TOGARAM1: variants seen among roughly 807,000 people sequenced by gnomAD.
TOGARAM1 encodes the protein TOG array regulator of axonemal microtubules protein 1.
In TOGARAM1, 100 loss-of-function variants were observed where a neutral mutation model predicts 166.6. The ratio of observed to expected loss-of-function variants is 0.60; its 90% CI spans 0.51 to 0.71. The LOEUF is 0.71. TOGARAM1 is among the 30% of genes least tolerant of loss of function. TOGARAM1 has a pLI of 0.00. For synonymous variants in TOGARAM1, 758 were observed against 763.8 expected, an observed-to-expected ratio of 0.99 and a Z score of 0.13; for missense variants, 2,029 against 2,102.7, an observed-to-expected ratio of 0.96 and a Z score of 0.69.
chr14:45,022,470 A>T (rs1053408646), intron 7 of TOGARAM1, among the ~76,000 whole-genome samples: 1 of 151,190 alleles, frequency 6.6e-6, no homozygotes, highest in Non-Finnish European at 1.5e-5. Context: ...TATCTGCTTG[A>T]TAGTTTTGAA....
At chr14:44,992,511 T>G (rs1288272493) in intron 1 of TOGARAM1, among the ~76,000 whole-genome samples, 2 of 151,626 alleles carry the variant, frequency 1.3e-5, no homozygotes, top group Non-Finnish European at 2.9e-5. Flanking sequence ...GCTACCAAAA[T>G]AGAATTAAAA....
chr14:44,968,752 T>G (rs1885703994), intron 1 of TOGARAM1, among the ~76,000 whole-genome samples: 1 of 152,250 alleles, frequency 6.6e-6, no homozygotes, highest in African/African-American at 2.4e-5. Context: ...TTCACTCTTG[T>G]GTTGTACATT....
At chr14:44,986,915 A>G (rs1438464243) in intron 1 of TOGARAM1, among the ~76,000 whole-genome samples, 1 of 151,230 alleles carries the variant, frequency 6.6e-6, no homozygotes, top group Non-Finnish European at 1.5e-5. Context: ...CTGAGGCAGA[A>G]GAATGGTGTG....
intron 15 of TOGARAM1, among the ~76,000 whole-genome samples, chr14:45,054,068 C>A (rs893916195): frequency 6.6e-6 from 1 of 151,732 alleles, no homozygotes; most frequent in Admixed American, 6.6e-5. Context: ...ACAGGGTTTC[C>A]CCATGTTGGC....
At chr14:44,964,669 T>A (rs1456238659) in intron 1 of TOGARAM1, among the ~76,000 whole-genome samples, 1 of 151,202 alleles carries the variant, frequency 6.6e-6, no homozygotes, top group Non-Finnish European at 1.5e-5. Context: ...CTTGATAGAT[T>A]TAATTAAATT....
At chr14:44,993,642 T>G (rs953456140) in intron 1 of TOGARAM1, among the ~76,000 whole-genome samples, 2 of 152,222 alleles carry the variant, frequency 1.3e-5, no homozygotes, top group Non-Finnish European at 2.9e-5. Flanking sequence ...TGAAAATCTT[T>G]TACTTTTAAG....
chr14:45,039,703 G>A (rs997904309), intron 11 of TOGARAM1, among the ~76,000 whole-genome samples: 10 of 152,236 alleles, frequency 6.6e-5, no homozygotes, highest in Admixed American at 2.6e-4. Flanking sequence ...GGCAGTGGGA[G>A]AAGGCACTTC....
chr14:45,066,831 T>G (rs1883162003), intron 17 of TOGARAM1, 64 bp downstream of exon 17: 1 of 1,386,538 alleles, frequency 7.2e-7, no homozygotes, highest in African/African-American at 1.4e-5. Context: ...ATCCAAGCAC[T>G]TTGGGAAGCC....
intron 7 of TOGARAM1, among the ~76,000 whole-genome samples, chr14:45,015,178 G>A (rs1006067456): frequency 3.3e-5 from 5 of 151,728 alleles, no homozygotes; most frequent in Non-Finnish European, 2.9e-5. Flanking sequence ...GGTGGCGTGC[G>A]CCTGTAGTCC....
Position 44,962,303 on chromosome 14 carries a change from G to A in TOGARAM1, c.-119G>A. On this transcript the variant is annotated 5_prime_UTR_variant, in exon 1 of 20. Transcript: ENST00000361462. ...GGGGGCGGCCTGGCGGCAGGCTGAA[G>A]CTGTTCTTTTGCCTCTTCTGCAGCT... The A allele has an allele frequency of 2.3e-6, 3 of 1,297,878 alleles. No individual in the cohort carries two copies. The highest frequency in any genetic ancestry group is 2.6e-5 in the East Asian group (1 of 38,778). The allele number at this position is 1,297,878 out of a possible 1,614,324, so 80.4% of individuals were successfully genotyped here.
At position 45,014,742 on chromosome 14, in the gene TOGARAM1, A is replaced by G. The variant is rs571395288; in HGVS notation, c.3238+2667A>G. Among the ~76,000 whole-genome samples the G allele has an allele frequency of 1.3e-4, 20 of 152,346 alleles. 1 individual carries two copies. In the East Asian group the frequency reaches 2.3e-3, roughly 18 times the overall value. ...TACAGTAAACTTCTTCTAGTATATT[A>G]GATTAGTGTTGCCTATTAATAGAAA... On this transcript the variant is annotated intron_variant, in intron 7 of 19. Transcript: ENST00000361462.
At chr14:45,052,409 A>T in intron 14 of TOGARAM1, 27 bp from the exon 15 acceptor site, 1 of 1,598,148 alleles carries the variant, frequency 6.3e-7, no homozygotes, top group Non-Finnish European at 8.5e-7. Context: ...CTAAAAAGTA[A>T]TATACCTGTT....
Position 44,962,398 on chromosome 14 carries a change from A to G in TOGARAM1, c.-24A>G, listed in dbSNP as rs933608839. 17 of 1,517,822 alleles carry G rather than the reference A, an allele frequency of 1.1e-5. No homozygotes were observed. In the African/African-American group the frequency reaches 2.0e-4, roughly 17 times the overall value. The allele number at this position is 1,517,822 out of a possible 1,614,324, so 94.0% of individuals were successfully genotyped here. A position where few individuals can be genotyped will look rare whatever the true frequency, so the allele number is the denominator to read the frequency against. ...TTGGAGACGGCAATGGTTTCTTCCA[A>G]CCACCACCACCTGACAACCCTGCAT... On this transcript the variant is annotated 5_prime_UTR_variant, in exon 1 of 20. Coordinates refer to ENST00000361462, the MANE Select transcript of TOGARAM1 (RefSeq NM_001308120.2).
At chr14:45,007,822 CTGAGT>C (rs1353751666) in intron 5 of TOGARAM1, 3 of 152,116 alleles carry the variant, frequency 2.0e-5, no homozygotes, top group African/African-American at 2.4e-5. Flanking sequence ...CAGTAACTCC[CTGAGT>C]TAAGAAGCAA....
At chr14:44,988,216 G>A (rs956059063) in intron 1 of TOGARAM1, among the ~76,000 whole-genome samples, 2 of 151,826 alleles carry the variant, frequency 1.3e-5, no homozygotes, top group Non-Finnish European at 2.9e-5. Context: ...TAACAAACCT[G>A]CACATTGTGC....
At chr14:45,058,154 T>G (rs537214742) in intron 16 of TOGARAM1, among the ~76,000 whole-genome samples, 17 of 152,310 alleles carry the variant, frequency 1.1e-4, no homozygotes, top group Non-Finnish European at 5.9e-5. Flanking sequence ...TTTGGGATTG[T>G]TATAGCTTCT....
intron 7 of TOGARAM1, among the ~76,000 whole-genome samples, chr14:45,024,256 C>A (rs964315479): frequency 3.9e-5 from 6 of 151,956 alleles, no homozygotes; most frequent in African/African-American, 1.2e-4. Context: ...GTGGAGGGTG[C>A]TTGAAGTATT....
At chr14:45,016,232 C>T (rs1880126683) in intron 7 of TOGARAM1, among the ~76,000 whole-genome samples, 1 of 152,066 alleles carries the variant, frequency 6.6e-6, no homozygotes, top group African/African-American at 2.4e-5. Context: ...TGTATGTCTA[C>T]AAAAAGTACA....
chr14:45,006,576 C>A (rs903618179), intron 5 of TOGARAM1: 2 of 171,526 alleles, frequency 1.2e-5, no homozygotes, highest in African/African-American at 4.8e-5. Context: ...TGTACTGACC[C>A]TTCCAGTGAA....
Sources: gnomAD v4.1 joint callset for allele counts (sites outside exome capture counted in the v4.1 genomes callset) on GRCh38, gnomAD v4.1.1 for gene constraint, MANE v1.5 for transcripts, NCBI Gene and HGNC (gene_info 2026-07-23, HGNC 2026-07-21) for gene names.